Variants in PDE8B observed in about 807,000 individuals in gnomAD.
PDE8B encodes phosphodiesterase 8B.
A neutral mutation model predicts 101.3 loss-of-function variants in PDE8B; 26 were observed. The ratio of observed to expected loss-of-function variants is 0.26; its 90% CI spans 0.19 to 0.36. The LOEUF (loss-of-function observed/expected upper bound fraction) is 0.36, where lower values mean the gene tolerates loss of function less well. PDE8B is among the 10% of genes least tolerant of loss of function. The pLI, the probability that PDE8B is intolerant of heterozygous loss-of-function variation, is 1.00. For synonymous variants in PDE8B, 424 were observed against 429.3 expected (o/e 0.99, Z 0.15); for missense variants, 810 against 1,163.1 (o/e 0.70, Z 4.42).
intron 13 of PDE8B, among the ~76,000 whole-genome samples, chr5:77,407,877 T>C (rs1169204178): frequency 6.6e-6 from 1 of 152,172 alleles, no homozygotes; most frequent in East Asian, 1.9e-4. Flanking sequence ...CGGAGCTTGG[T>C]AAGCAGGTGA....
chr5:77,332,906 G>A (rs1777421714), intron 5 of PDE8B, among the ~76,000 whole-genome samples: 1 of 151,672 alleles, frequency 6.6e-6, no homozygotes, highest in Non-Finnish European at 1.5e-5. Flanking sequence ...AAAAAATAGG[G>A]TACTGCGTGT....
rs1177789640 is a variant in PDE8B, at chr5:77,351,083, T to C, written c.1036T>C (p.Tyr346His). The change falls in exon 9 of 22, where the codon TAT becomes CAT. Residue 346 changes from tyrosine (Y) to histidine (H), a missense_variant. Tyr to His is a moderately conservative substitution (Grantham distance 83, BLOSUM62 2). Around this residue, in one of 4 missense-constraint regions of PDE8B, gnomAD observed 251 missense variants for 378.8 expected, o/e 0.66. Coordinates refer to ENST00000264917, the MANE Select transcript of PDE8B (RefSeq NM_003719.5). ...KKGKEWQGVY[Y>H]ARRKSGDSIQ... ...CATGTAGGAGTGGCAGGGGGTTTAC[T>C]ATGCCAGACGGAAATCCGGGGACAG... 2 of 1,613,810 alleles carry C rather than the reference T, an allele frequency of 1.2e-6. No individual in the cohort carries two copies. Among genetic ancestry groups the C allele is most frequent in the Non-Finnish European group, 1.7e-6 (2 of 1,179,776 alleles).
At chr5:77,240,503 A>G (rs2149541265) in intron 1 of PDE8B, among the ~76,000 whole-genome samples, 1 of 152,352 alleles carries the variant, frequency 6.6e-6, no homozygotes. Flanking sequence ...GAGGTCTCGT[A>G]GACAGGATTC....
At chr5:77,332,913 G>GT (rs1777424855) in intron 5 of PDE8B, among the ~76,000 whole-genome samples, 1 of 151,576 alleles carries the variant, frequency 6.6e-6, no homozygotes, top group Non-Finnish European at 1.5e-5. Flanking sequence ...AGGGTACTGC[G>GT]TGTGCCTTGT....
chr5:77,150,614 T>G, the PDE8B span, among the ~76,000 whole-genome samples: 19 of 152,152 alleles, frequency 1.2e-4, no homozygotes, highest in African/African-American at 4.6e-4. Flanking sequence ...ATAAAAGCAG[T>G]GAAAATAGCT....
chr5:77,399,044 G>A lies in PDE8B; in HGVS notation c.1168-1204G>A, dbSNP rs1374521221. ...AAGCCACGTCTGTGCCTTGGATGGT[G>A]GCAAGACAAGATAACGGATCCCTGT... is the stretch of plus-strand genomic sequence containing the variant. On this transcript the variant is annotated intron_variant, in intron 10 of 21. Transcript: ENST00000264917. Among the ~76,000 whole-genome samples, 4 of 152,308 alleles carry A rather than the reference G, an allele frequency of 2.6e-5. No homozygotes were observed. In the East Asian group the frequency reaches 5.8e-4, roughly 22 times the overall value.
At chr5:77,385,749 C>G (rs1581397821) in intron 10 of PDE8B, among the ~76,000 whole-genome samples, 3 of 148,980 alleles carry the variant, frequency 2.0e-5, no homozygotes, top group African/African-American at 7.4e-5. Flanking sequence ...CATTCAGGAG[C>G]AGGTTGTTCA....
At position 77,421,832 on chromosome 5, in the gene PDE8B, C is replaced by A. The variant is rs200405024; in HGVS notation, c.2262C>A (p.Ser754Arg). 6 of 1,613,948 alleles carry A rather than the reference C, an allele frequency of 3.7e-6. No individual in the cohort carries two copies. The Admixed American group carries it at 8.3e-5, about 22-fold the overall frequency. Reference protein sequence around the residue: ...NKPMAAEIEGSDCECNPAGKN... With the variant: ...NKPMAAEIEGRDCECNPAGKN... ...CATCTGTTTTCCAGATTGAAGGCAG[C>A]GACTGTGAATGCAACCCTGCTGGGA... The change falls in exon 20 of 22, where the codon AGC becomes AGA. Residue 754 changes from serine to arginine, a missense_variant. Physicochemically the swap from Ser to Arg is moderately radical, Grantham distance 110 (BLOSUM62 -1). Coordinates refer to ENST00000264917, the MANE Select transcript of PDE8B (RefSeq NM_003719.5).
chr5:77,271,380 G>T (rs1216998651), intron 1 of PDE8B, among the ~76,000 whole-genome samples: 2 of 152,182 alleles, frequency 1.3e-5, no homozygotes, highest in Non-Finnish European at 2.9e-5. Flanking sequence ...GTGATCTTGA[G>T]AAAGTAGTTC....
intron 1 of PDE8B, among the ~76,000 whole-genome samples, chr5:77,302,799 C>T (rs937734957): frequency 2.0e-5 from 3 of 152,144 alleles, no homozygotes; most frequent in African/African-American, 7.2e-5. Flanking sequence ...GCAGCATAAC[C>T]TCTTAAGCCA....
the PDE8B span, among the ~76,000 whole-genome samples, chr5:77,186,640 A>T: frequency 0.06 from 9,128 of 152,134 alleles, 961 homozygotes; most frequent in African/African-American, 0.21. Flanking sequence ...AAAACTATTG[A>T]TTCCTGAGAC....
At chr5:77,309,043 G>A (rs1001245244) in intron 1 of PDE8B, among the ~76,000 whole-genome samples, 7 of 151,986 alleles carry the variant, frequency 4.6e-5, no homozygotes, top group Non-Finnish European at 7.4e-5. Context: ...GCTGTAAGTG[G>A]TGGTGGGTGC....
the PDE8B span, among the ~76,000 whole-genome samples, chr5:77,107,436 A>G: frequency 1.3e-5 from 2 of 152,054 alleles, no homozygotes; most frequent in African/African-American, 4.8e-5. Flanking sequence ...ATTCCTTAGG[A>G]TTTTCTAACA....
intron 10 of PDE8B, among the ~76,000 whole-genome samples, chr5:77,378,216 T>C (rs947027549): frequency 6.6e-5 from 10 of 151,998 alleles, no homozygotes; most frequent in Non-Finnish European, 1.0e-4. Context: ...ATCCCAGTAC[T>C]TTGGGAGGCT....
chr5:77,397,434 A>G (rs1791315192), intron 10 of PDE8B, among the ~76,000 whole-genome samples: 1 of 152,158 alleles, frequency 6.6e-6, no homozygotes, highest in African/African-American at 2.4e-5. Flanking sequence ...ACACACAAAC[A>G]GAAGCAGCTC....
chr5:77,238,576 G>C (rs2149527860), intron 1 of PDE8B, among the ~76,000 whole-genome samples: 2 of 152,160 alleles, frequency 1.3e-5, no homozygotes, highest in South Asian at 4.2e-4. Flanking sequence ...TATTACTGAG[G>C]GCTCTTCATA....
chr5:77,132,145 G>A, the PDE8B span, among the ~76,000 whole-genome samples: 1 of 152,060 alleles, frequency 6.6e-6, no homozygotes. Flanking sequence ...CCCTAGGCCT[G>A]AAAAAATTTA....
At chr5:77,274,403 G>A (rs906123902) in intron 1 of PDE8B, among the ~76,000 whole-genome samples, 8 of 152,188 alleles carry the variant, frequency 5.3e-5, no homozygotes, top group Admixed American at 2.0e-4. Flanking sequence ...GCCTTCCTGC[G>A]GACCCATTCA....
At chr5:77,260,370 C>T (rs1365472009) in intron 1 of PDE8B, among the ~76,000 whole-genome samples, 1 of 151,882 alleles carries the variant, frequency 6.6e-6, no homozygotes, top group African/African-American at 2.4e-5. Context: ...AAGGAGGAGG[C>T]CTTTTCCTGT....
Sources: allele counts gnomAD v4.1 joint callset (sites outside exome capture counted in the v4.1 genomes callset), GRCh38; gene constraint gnomAD v4.1.1; regional missense constraint gnomAD v4.1.1; transcripts MANE v1.5; gene names NCBI Gene and HGNC (gene_info 2026-07-23, HGNC 2026-07-21).